Variants in GPR158 observed in about 807,000 individuals in gnomAD.
GPR158 encodes G protein-coupled receptor 158.
In GPR158, 30 loss-of-function variants were observed where a neutral mutation model predicts 78.2. The observed-to-expected ratio is 0.38, with a 90% CI of 0.29 to 0.52. The LOEUF is 0.52. Among genes scored for constraint, GPR158 ranks in the 20% least tolerant of loss-of-function variants. GPR158 has a pLI of 0.83. For missense variants in GPR158, 1,463 were observed against 1,523.5 expected, an observed-to-expected ratio of 0.96 and a Z score of 0.66; for synonymous variants, 581 against 591.1, an observed-to-expected ratio of 0.98 and a Z score of 0.25.
chr10:25,492,486 T>C (rs1835824136), intron 5 of GPR158, among the ~76,000 whole-genome samples: 1 of 152,144 alleles, frequency 6.6e-6, no homozygotes, highest in Non-Finnish European at 1.5e-5. Context: ...ATGTTCCAAT[T>C]AGTGAAAGAG....
chr10:25,262,148 A>G (rs889994463), intron 2 of GPR158, among the ~76,000 whole-genome samples: 1 of 152,148 alleles, frequency 6.6e-6, no homozygotes, highest in South Asian at 2.1e-4. Context: ...TAGTGTCTAC[A>G]AGATAAAAGG....
intron 10 of GPR158, 67 bp downstream of exon 10, chr10:25,596,856 G>C (rs1208929309): frequency 1.4e-6 from 2 of 1,394,594 alleles, no homozygotes; most frequent in Non-Finnish European, 2.0e-6. Context: ...AGGCGTGTGT[G>C]GGTTGGGGTG....
intron 1 of GPR158, among the ~76,000 whole-genome samples, chr10:25,180,208 C>T (rs1453537726): frequency 6.6e-6 from 1 of 152,118 alleles, no homozygotes; most frequent in Non-Finnish European, 1.5e-5. Context: ...AGTGGAATAA[C>T]TCTTTTGTGG....
chr10:25,362,542 A>G (rs1383684174), intron 2 of GPR158, among the ~76,000 whole-genome samples: 1 of 151,888 alleles, frequency 6.6e-6, no homozygotes, highest in Non-Finnish European at 1.5e-5. Flanking sequence ...TTTGTGTAGT[A>G]TGTACATCTT....
At chr10:25,232,613 C>T (rs980394388) in intron 2 of GPR158, among the ~76,000 whole-genome samples, 21 of 152,152 alleles carry the variant, frequency 1.4e-4, no homozygotes, top group Non-Finnish European at 2.8e-4. Context: ...TGTATTCATC[C>T]AGGACAGGTT....
At position 25,599,965 on chromosome 10, in the gene GPR158, A is replaced by G. The variant is rs949377046; in HGVS notation, c.*691A>G. 4 of 152,674 alleles carry G rather than the reference A, an allele frequency of 2.6e-5. No individual in the cohort carries two copies. Among genetic ancestry groups the G allele is most frequent in the Non-Finnish European group, 5.9e-5 (4 of 68,038 alleles). 9.5% of individuals were successfully genotyped at this position (152,674 alleles called of 1,614,324 possible). On this transcript the variant is annotated 3_prime_UTR_variant, in exon 11 of 11. Coordinates refer to ENST00000376351, the MANE Select transcript of GPR158 (RefSeq NM_020752.3). The stretch of plus-strand genomic sequence containing the variant: ...TTTAGTTGATTCTTGAAGTACAGTA[A>G]GCTTTCTCTGGCTTGGGAAGCCATA...
Position 25,249,172 on chromosome 10 carries a change from A to C in GPR158, c.1008+28015A>C, listed in dbSNP as rs1038856172. On this transcript the variant is annotated intron_variant, in intron 2 of 10. Coordinates refer to ENST00000376351, the MANE Select transcript of GPR158 (RefSeq NM_020752.3). ...TTGTACATTGATTTTGTCTCCTGAG[A>C]CTTTGCTGAAGTTGCTTATCAGCTT... Among the ~76,000 whole-genome samples, 22 of 152,162 alleles carry C rather than the reference A, an allele frequency of 1.4e-4. No individual in the cohort carries two copies. In the South Asian group the frequency reaches 4.2e-3, roughly 29 times the overall value.
chr10:25,586,338 G>A (rs545511784), intron 7 of GPR158, among the ~76,000 whole-genome samples: 3 of 151,628 alleles, frequency 2.0e-5, no homozygotes, highest in South Asian at 4.2e-4. Context: ...AAGGCCATAA[G>A]GTCTTCCTTT....
chr10:25,495,331 C>T (rs1484553909), intron 5 of GPR158, among the ~76,000 whole-genome samples: 2 of 114,882 alleles, frequency 1.7e-5, no homozygotes, highest in African/African-American at 3.1e-5. Context: ...GGAGTCTTGC[C>T]ATGTCCATCA....
chr10:25,319,926 A>G (rs1854922035), intron 2 of GPR158, among the ~76,000 whole-genome samples: 1 of 151,370 alleles, frequency 6.6e-6, no homozygotes, highest in South Asian at 2.1e-4. Flanking sequence ...TGTGATGGAG[A>G]TAGCAAAAAG....
chr10:25,585,698 G>T (rs901408986), intron 7 of GPR158, among the ~76,000 whole-genome samples: 3 of 152,236 alleles, frequency 2.0e-5, no homozygotes, highest in Non-Finnish European at 4.4e-5. Flanking sequence ...TTTGGAACGG[G>T]CCAGGAGTGG....
At chr10:25,228,969 G>A (rs373863973) in intron 2 of GPR158, among the ~76,000 whole-genome samples, 159 of 151,754 alleles carry the variant, frequency 1.0e-3, no homozygotes, top group African/African-American at 3.6e-3. Flanking sequence ...CCGGAGGCGG[G>A]GTTTACAGTG....
chr10:25,487,669 G>A (rs1835752756), intron 5 of GPR158, among the ~76,000 whole-genome samples: 1 of 152,154 alleles, frequency 6.6e-6, no homozygotes, highest in Admixed American at 6.6e-5. Flanking sequence ...TCCTGGGAGA[G>A]TAAATGACTT....
rs563967668 is a variant in GPR158 at position 25,235,976 on chromosome 10, G to A, written c.1008+14819G>A. On this transcript the variant is annotated intron_variant, in intron 2 of 10. Transcript: ENST00000376351. ...CCCCCAAAGTCCTGGGATTACAGGC[G>A]TGAGCCACTGCGCCTGGCCTGCACA... is the stretch of plus-strand genomic sequence containing the variant. Among the ~76,000 whole-genome samples, 5 of 152,142 alleles carry A rather than the reference G, an allele frequency of 3.3e-5. No individual in the cohort carries two copies. The East Asian group carries it at 9.7e-4, about 30-fold the overall frequency.
intron 5 of GPR158, among the ~76,000 whole-genome samples, chr10:25,492,621 C>A (rs1257959361): frequency 6.6e-6 from 1 of 151,972 alleles, no homozygotes; most frequent in Non-Finnish European, 1.5e-5. Flanking sequence ...GAATTTTTGA[C>A]TGTTATATCT....
intron 2 of GPR158, among the ~76,000 whole-genome samples, chr10:25,324,831 C>CTTTTTTTTTTTTT (rs34746907): frequency 3.2e-5 from 4 of 125,386 alleles, no homozygotes; most frequent in Admixed American, 8.6e-5. Context: ...TTTTTTCTTT[C>CTTTTTTTTTTTTT]TTTTTTTTTT....
chr10:25,550,461 A>G (rs1433140364), intron 5 of GPR158, among the ~76,000 whole-genome samples: 1 of 152,108 alleles, frequency 6.6e-6, no homozygotes, highest in Non-Finnish European at 1.5e-5. Context: ...GATTGCCAGA[A>G]GTGTGGAGGT....
At chr10:25,443,497 G>A in intron 4 of GPR158, among the ~76,000 whole-genome samples, 1 of 150,020 alleles carries the variant, frequency 6.7e-6, no homozygotes, top group Admixed American at 6.6e-5. Flanking sequence ...AGAAGTTACA[G>A]TGAGCCAAGT....
At chr10:25,298,827 C>T (rs1457394896) in intron 2 of GPR158, among the ~76,000 whole-genome samples, 1 of 152,158 alleles carries the variant, frequency 6.6e-6, no homozygotes, top group Admixed American at 6.5e-5. Context: ...TTTTATTTCT[C>T]TTCTACTAGA....
Sources: allele counts gnomAD v4.1 joint callset (sites outside exome capture counted in the v4.1 genomes callset), GRCh38; gene constraint gnomAD v4.1.1; transcripts MANE v1.5; gene names NCBI Gene and HGNC (gene_info 2026-07-23, HGNC 2026-07-21).